The following PPIE variants were observed in gnomAD, a reference collection of about 807,000 sequenced individuals.
PPIE encodes the protein peptidylprolyl isomerase E, also known as peptidyl-prolyl cis-trans isomerase E.
In PPIE, 20 loss-of-function variants were observed where a neutral mutation model predicts 38.4. That is an observed-to-expected ratio of 0.52 (90% CI 0.37 to 0.76). The LOEUF (loss-of-function observed/expected upper bound fraction) is 0.76. Among genes scored for constraint, PPIE ranks in the 30% least tolerant of loss-of-function variants. PPIE has a pLI of 0.00. For missense variants in PPIE, 322 were observed against 385.8 expected, an observed-to-expected ratio of 0.83 and a Z score of 1.39; for synonymous variants, 142 against 135.7, an observed-to-expected ratio of 1.05 and a Z score of -0.32.
At chr1:39,749,430 G>C (rs542668203) in intron 8 of PPIE, among the ~76,000 whole-genome samples, 1 of 146,418 alleles carries the variant, frequency 6.8e-6, no homozygotes, top group African/African-American at 2.5e-5. Context: ...CCAGCAACTA[G>C]AGAAAAAACA....
Position 39,755,640 on chromosome 1 carries a change from C to T in PPIE, c.*2285C>T, listed in dbSNP as rs1486262411. ...GAGTGTGTAGAAAAAGCACAGCCAG[C>T]CTCCCATAAAAGGACAGACTCCTGT... On this transcript the variant is annotated 3_prime_UTR_variant, in exon 10 of 10. Coordinates refer to ENST00000324379, the MANE Select transcript of PPIE (RefSeq NM_006112.4). 3 of 985,262 alleles carry T rather than the reference C, an allele frequency of 3.0e-6. No homozygotes were observed. The East Asian group carries it at 3.4e-4, about 112-fold the overall frequency. 61.0% of individuals were successfully genotyped at this position (985,262 alleles called of 1,614,324 possible).
rs536861247 is a variant in PPIE at position 39,739,054 on chromosome 1, C to T, written c.31+123C>T. 4.8e-5 allele frequency: 54 copies of T among 1,118,816 alleles called. No homozygotes were observed. The African/African-American group carries it at 7.8e-4, about 16-fold the overall frequency. The allele number at this position is 1,118,816 out of a possible 1,614,324, so 69.3% of individuals were successfully genotyped here. ...GCTGCTGTCAAGGCCGGGTCTCTGG[C>T]GGTAGTGCTGGCGATAGCTCTGGCT... is the stretch of plus-strand genomic sequence containing the variant. On this transcript the variant is annotated intron_variant, in intron 1 of 9. Transcript: ENST00000324379.
chr1:39,739,007 C>T, intron 1 of PPIE, 76 bp downstream of exon 1: 1 of 1,352,074 alleles, frequency 7.4e-7, no homozygotes, highest in Admixed American at 3.6e-5. Flanking sequence ...TGGGACGCAT[C>T]TCTGAACCAG....
downstream of PPIE, chr1:39,757,144 A>G (rs989770372): frequency 6.6e-6 from 1 of 152,070 alleles, no homozygotes; most frequent in African/African-American, 2.4e-5. Flanking sequence ...TAGATGGTTT[A>G]GGAAAGAGCA....
intron 9 of PPIE, chr1:39,762,961 C>G: frequency 1.7e-6 from 2 of 1,173,638 alleles, no homozygotes; most frequent in Non-Finnish European, 2.5e-6. Flanking sequence ...AGCGACGTTA[C>G]TGACTGTGCA....
chr1:39,762,662 G>A, intron 9 of PPIE: 5 of 1,531,160 alleles, frequency 3.3e-6, no homozygotes, highest in Non-Finnish European at 4.4e-6. Flanking sequence ...GTGGGTGAGT[G>A]CACACGCACA....
rs771595623 is a variant in PPIE at position 39,763,074 on chromosome 1, G to C, written c.838-615G>C. The C allele has an allele frequency of 6.2e-6, 10 of 1,612,218 alleles. No homozygotes were observed. In the East Asian group the frequency reaches 2.2e-4, roughly 36 times the overall value. ...CCCCCCACCCCAGGGGGCTGGGCAG[G>C]ATGGGCATGGTACTGACCAGGGACT... On this transcript the variant is annotated intron_variant, in intron 9 of 9. Transcript: ENST00000356511.
In PPIE at chr1:39,749,047, A is replaced by C. The variant is rs1207529608; in HGVS notation, c.653A>C (p.Lys218Thr). 1 of 1,609,814 alleles carries C rather than the reference A, an allele frequency of 6.2e-7. No homozygotes were observed. Among genetic ancestry groups the C allele is most frequent in the African/African-American group, 1.3e-5 (1 of 74,660 alleles). ...GTGGKSIYGKKFDDENFILKH... is the reference protein window; with the variant it reads ...GTGGKSIYGKTFDDENFILKH... The stretch of plus-strand genomic sequence containing the variant: ...GGGGGCAAGTCCATCTATGGGAAGA[A>C]GTTCGATGATGAAAACTTTATCCTC... Residue 218 changes from lysine to threonine, a missense_variant, in exon 8 of 10, where the codon AAG becomes ACG. Transcript: ENST00000324379.
In PPIE at chr1:39,753,065, GA is replaced by G. The variant is rs772133618; in HGVS notation, c.837+15del. 1 of 1,614,026 alleles carries G rather than the reference GA, an allele frequency of 6.2e-7. No individual in the cohort carries two copies. The stretch of plus-strand genomic sequence containing the variant: ...GCGGCAAATTGAGGTATGTGGCCAG[GA>G]ATGGGCCTCCTCCTTACCCAGGCCC... On this transcript the variant is annotated intron_variant, in intron 9 of 9. Transcript: ENST00000324379.
chr1:39,756,072 C>A lies in PPIE; in HGVS notation c.*2717C>A. Reference sequence around the variant, plus strand: ...GGAGACAAGACCCTGCTCTTCCAGGCCAGAAGGGAGGGGAGCCCCAGAGCT... The same window carrying A: ...GGAGACAAGACCCTGCTCTTCCAGGACAGAAGGGAGGGGAGCCCCAGAGCT... On this transcript the variant is annotated 3_prime_UTR_variant, in exon 10 of 10. Coordinates refer to ENST00000324379, the MANE Select transcript of PPIE (RefSeq NM_006112.4). 1 of 985,406 alleles carries A rather than the reference C, an allele frequency of 1.0e-6. No homozygotes were observed. Among genetic ancestry groups the A allele is most frequent in the South Asian group, 4.7e-5 (1 of 21,286 alleles). 61.0% of individuals were successfully genotyped at this position (985,406 alleles called of 1,614,324 possible). A position where few individuals can be genotyped will look rare whatever the true frequency, so the allele number is the denominator to read the frequency against.
intron 9 of PPIE, chr1:39,762,645 G>A (rs1314905648): frequency 1.4e-5 from 21 of 1,541,656 alleles, no homozygotes; most frequent in East Asian, 7.3e-5. Flanking sequence ...CCTGCGGTGC[G>A]GCACAGGTGG....
At chr1:39,740,527 G>A (rs939303164) in intron 2 of PPIE, among the ~76,000 whole-genome samples, 1 of 152,200 alleles carries the variant, frequency 6.6e-6, no homozygotes, top group Non-Finnish European at 1.5e-5. Context: ...AGGGAGATAG[G>A]TTTGAACTAC....
Position 39,755,045 on chromosome 1 carries a change from G to T in PPIE, c.*1690G>T. 1 of 985,472 alleles carries T rather than the reference G, an allele frequency of 1.0e-6. No individual in the cohort carries two copies. The highest frequency in any genetic ancestry group is 1.2e-6 in the Non-Finnish European group (1 of 829,950). The allele number at this position is 985,472 out of a possible 1,614,324, so 61.0% of individuals were successfully genotyped here. On this transcript the variant is annotated 3_prime_UTR_variant, in exon 10 of 10. Transcript: ENST00000324379. ...AAGAGAACAAATGGTCCCACCCCCTGCTGAGCTCACAGTCTGGCTCTCCTG... is the reference window on the plus strand; with the variant it reads ...AAGAGAACAAATGGTCCCACCCCCTTCTGAGCTCACAGTCTGGCTCTCCTG...
Position 39,752,766 on chromosome 1 carries a change from A to G in PPIE, c.695-144A>G, listed in dbSNP as rs906083485. On this transcript the variant is annotated intron_variant, in intron 8 of 9. Transcript: ENST00000324379. ...TTTCACTGACTATTAACTGAATCCA[A>G]GATAAGGTGGCCGCATTTGCATGTG... 1.7e-5 allele frequency: 14 copies of G among 847,104 alleles called. No homozygotes were observed. In the African/African-American group the frequency reaches 2.0e-4, roughly 12 times the overall value. The allele number at this position is 847,104 out of a possible 1,614,324, so 52.5% of individuals were successfully genotyped here.
chr1:39,744,504 A>G lies in PPIE; in HGVS notation c.384+580A>G, dbSNP rs188647643. ...TTCTTCTGTATTTCTTTCTTGGCTC[A>G]TGGTTTCTCTCTCTTCTCTCAGCTG... On this transcript the variant is annotated intron_variant, in intron 6 of 9. Coordinates refer to ENST00000324379, the MANE Select transcript of PPIE (RefSeq NM_006112.4). 2.8e-3 allele frequency among the ~76,000 whole-genome samples: 430 copies of G among 152,200 alleles called. 4 individuals carry two copies. Among genetic ancestry groups the G allele is most frequent in the African/African-American group, 8.9e-3 (370 of 41,516 alleles).
downstream of PPIE, chr1:39,761,441 C>G (rs1400508854): frequency 5.2e-5 from 8 of 152,688 alleles, no homozygotes; most frequent in Admixed American, 5.2e-4. Context: ...CCCCCAATCC[C>G]AGCCTCCCCC....
intron 1 of PPIE, chr1:39,739,231 C>A: frequency 2.8e-6 from 1 of 362,636 alleles, no homozygotes; most frequent in African/African-American, 2.1e-5. Context: ...CAGGTTATTT[C>A]ACACCTTTGG....
chr1:39,751,987 C>T (rs1051970395), intron 8 of PPIE, among the ~76,000 whole-genome samples: 3 of 152,136 alleles, frequency 2.0e-5, no homozygotes, highest in South Asian at 2.1e-4. Flanking sequence ...CCTGTAGTCT[C>T]AGCCGCTTGG....
At position 39,753,570 on chromosome 1, in the gene PPIE, G is replaced by C. The variant is rs992923359; in HGVS notation, c.*215G>C. 1 of 1,385,648 alleles carries C rather than the reference G, an allele frequency of 7.2e-7. No individual in the cohort carries two copies. Among genetic ancestry groups the C allele is most frequent in the African/African-American group, 1.5e-5 (1 of 68,284 alleles). 85.8% of individuals were successfully genotyped at this position (1,385,648 alleles called of 1,614,324 possible). A position where few individuals can be genotyped will look rare whatever the true frequency, so the allele number is the denominator to read the frequency against. ...TGTGGGCCCAGGAGCCAGCTCAGGT[G>C]CTCCCCTCCACCATGGGCAGGCTGT... On this transcript the variant is annotated 3_prime_UTR_variant, in exon 10 of 10. Transcript: ENST00000324379.
Sources: gnomAD v4.1 joint callset for allele counts (sites outside exome capture counted in the v4.1 genomes callset) on GRCh38, gnomAD v4.1.1 for gene constraint, MANE v1.5 for transcripts, NCBI Gene and HGNC (gene_info 2026-07-23, HGNC 2026-07-21) for gene names.